ZNF804A: variants seen among roughly 807,000 people sequenced by gnomAD.
ZNF804A encodes the protein zinc finger protein 804A.
ZNF804A carries 2 observed loss-of-function variants against 16.5 expected under a neutral mutation model. The ratio of observed to expected loss-of-function variants is 0.12; its 90% CI spans 0.05 to 0.38. The LOEUF is 0.38. Among genes scored for constraint, ZNF804A ranks in the 10% least tolerant of loss-of-function variants. ZNF804A has a pLI of 0.99. For synonymous variants in ZNF804A, 534 were observed against 489.6 expected (o/e 1.09, Z -1.20); for missense variants, 1,473 against 1,390.7 (o/e 1.06, Z -0.94).
At chr2:184,905,330 T>C (rs1002756765) in intron 2 of ZNF804A, among the ~76,000 whole-genome samples, 1 of 152,150 alleles carries the variant, frequency 6.6e-6, no homozygotes, top group Admixed American at 6.6e-5. Context: ...TGTTTTCCTT[T>C]CCTTTCTATT....
At chr2:184,832,683 C>T (rs1558976003) in intron 1 of ZNF804A, among the ~76,000 whole-genome samples, 1 of 151,512 alleles carries the variant, frequency 6.6e-6, no homozygotes, top group Admixed American at 6.6e-5. Flanking sequence ...TTTCATCCCC[C>T]AAATAGACAT....
chr2:184,727,365 G>C (rs1358266438), intron 1 of ZNF804A, among the ~76,000 whole-genome samples: 1 of 151,470 alleles, frequency 6.6e-6, no homozygotes, highest in East Asian at 1.9e-4. Context: ...AAAGTCAAAG[G>C]TGTTAATATA....
chr2:184,619,803 A>T (rs1057279777), intron 1 of ZNF804A, among the ~76,000 whole-genome samples: 2 of 151,930 alleles, frequency 1.3e-5, no homozygotes, highest in African/African-American at 4.8e-5. Flanking sequence ...ATGATAGACT[A>T]TAAACATATT....
chr2:184,753,024 TA>T (rs1203787056), intron 1 of ZNF804A, among the ~76,000 whole-genome samples: 1 of 151,446 alleles, frequency 6.6e-6, no homozygotes, highest in African/African-American at 2.4e-5. Context: ...TTTACTGGGG[TA>T]AAAACCAAGT....
intron 1 of ZNF804A, among the ~76,000 whole-genome samples, chr2:184,769,128 C>G (rs543691368): frequency 6.9e-4 from 105 of 152,190 alleles, no homozygotes; most frequent in Non-Finnish European, 1.4e-3. Context: ...CTCTGCTTCA[C>G]AGCCACTTAC....
chr2:184,787,883 G>A (rs932234638), intron 1 of ZNF804A, among the ~76,000 whole-genome samples: 1 of 150,376 alleles, frequency 6.6e-6, no homozygotes, highest in African/African-American at 2.4e-5. Flanking sequence ...TGTTACATTT[G>A]CTTTTGAGGT....
At chr2:184,927,992 C>G (rs540905044) in intron 2 of ZNF804A, among the ~76,000 whole-genome samples, 1 of 152,170 alleles carries the variant, frequency 6.6e-6, no homozygotes, top group East Asian at 1.9e-4. Context: ...GAGCTTGTAG[C>G]TAAGGTGCAA....
chr2:184,823,566 T>G (rs1695117339), intron 1 of ZNF804A, among the ~76,000 whole-genome samples: 1 of 152,130 alleles, frequency 6.6e-6, no homozygotes, highest in Non-Finnish European at 1.5e-5. Context: ...CTAATGCTTA[T>G]TAAATCCTTT....
intron 1 of ZNF804A, among the ~76,000 whole-genome samples, chr2:184,602,406 T>G (rs1378835877): frequency 3.3e-5 from 5 of 151,950 alleles, no homozygotes; most frequent in Non-Finnish European, 7.4e-5. Context: ...GGATAAGTTA[T>G]AGGGCTTAAC....
chr2:184,695,774 G>T lies in ZNF804A; in HGVS notation c.111+96704G>T, dbSNP rs115486572. On this transcript the variant is annotated intron_variant, in intron 1 of 3. Coordinates refer to ENST00000302277, the MANE Select transcript of ZNF804A (RefSeq NM_194250.2). ...CATCTTGTCACCAAAAGTGGATTTA[G>T]ACTTGTTCTTGTTTGTCATGGTATC... Among the ~76,000 whole-genome samples, 692 of 152,084 alleles carry T rather than the reference G, an allele frequency of 4.6e-3. 11 individuals carry two copies. The highest frequency in any genetic ancestry group is 0.015 in the African/African-American group (633 of 41,492).
intron 1 of ZNF804A, among the ~76,000 whole-genome samples, chr2:184,741,080 G>C (rs779529674): frequency 1.3e-5 from 2 of 152,034 alleles, no homozygotes; most frequent in Non-Finnish European, 2.9e-5. Flanking sequence ...TTGTAAGTTC[G>C]AGTCTCCAAG....
At chr2:184,629,904 G>A (rs897344680) in intron 1 of ZNF804A, among the ~76,000 whole-genome samples, 1 of 152,038 alleles carries the variant, frequency 6.6e-6, no homozygotes, top group Non-Finnish European at 1.5e-5. Flanking sequence ...GTATGAATTA[G>A]GCCTTAGAGG....
At chr2:184,711,249 G>A (rs2105736795) in intron 1 of ZNF804A, among the ~76,000 whole-genome samples, 2 of 151,798 alleles carry the variant, frequency 1.3e-5, no homozygotes, top group South Asian at 4.2e-4. Context: ...GCTTTTATTT[G>A]AGGATTAGTG....
intron 1 of ZNF804A, among the ~76,000 whole-genome samples, chr2:184,811,379 A>G (rs538367459): frequency 1.3e-5 from 2 of 152,318 alleles, no homozygotes; most frequent in South Asian, 2.1e-4. Context: ...TGAATCAAGA[A>G]CCGATGATAA....
intron 1 of ZNF804A, among the ~76,000 whole-genome samples, chr2:184,663,672 G>A (rs140503963): frequency 1.7e-3 from 262 of 152,118 alleles, no homozygotes; most frequent in African/African-American, 5.8e-3. Flanking sequence ...GGAATTTAGG[G>A]TGCCTTTGTT....
chr2:184,860,469 A>C (rs946942606), intron 1 of ZNF804A, among the ~76,000 whole-genome samples: 3 of 152,180 alleles, frequency 2.0e-5, no homozygotes, highest in African/African-American at 4.8e-5. Flanking sequence ...CTGGAGGCTG[A>C]GTTTTCAAGT....
intron 1 of ZNF804A, among the ~76,000 whole-genome samples, chr2:184,744,068 G>A (rs182433511): frequency 1.4e-4 from 22 of 151,910 alleles, no homozygotes; most frequent in African/African-American, 5.3e-4. Context: ...ATAACCACTT[G>A]TTAATGGGCA....
At chr2:184,639,329 C>T (rs1691755069) in intron 1 of ZNF804A, among the ~76,000 whole-genome samples, 1 of 151,960 alleles carries the variant, frequency 6.6e-6, no homozygotes, top group South Asian at 2.1e-4. Context: ...CCGCCTCGGC[C>T]TCCCAAAGTG....
intron 1 of ZNF804A, among the ~76,000 whole-genome samples, chr2:184,744,546 C>T (rs910958217): frequency 6.6e-6 from 1 of 151,824 alleles, no homozygotes; most frequent in Non-Finnish European, 1.5e-5. Context: ...CAGGCCCTCA[C>T]CAAAGTCCGA....
Sources: allele counts gnomAD v4.1 joint callset (sites outside exome capture counted in the v4.1 genomes callset), GRCh38; gene constraint gnomAD v4.1.1; transcripts MANE v1.5; gene names NCBI Gene and HGNC (gene_info 2026-07-23, HGNC 2026-07-21).